Variants in STAC2 observed in about 807,000 individuals in gnomAD.
STAC2 encodes SH3 and cysteine rich domain 2.
In STAC2, 36 loss-of-function variants were observed where a neutral mutation model predicts 49.0. The ratio of observed to expected loss-of-function variants is 0.74; its 90% CI spans 0.56 to 0.97. The LOEUF is 0.97. Ranked by LOEUF, STAC2 falls within the 50% of genes least tolerant of loss-of-function variation. The pLI, the probability that STAC2 is intolerant of heterozygous loss-of-function variation, is 0.00. For missense variants in STAC2, 527 were observed against 543.8 expected (o/e 0.97, Z 0.31); for synonymous variants, 239 against 214.7 (o/e 1.11, Z -0.99).
At position 39,218,031 on chromosome 17, in the gene STAC2, G is replaced by A. The variant is rs1231104405; in HGVS notation, c.233C>T (p.Ser78Phe). 4 of 1,590,924 alleles carry A rather than the reference G, an allele frequency of 2.5e-6. No individual in the cohort carries two copies. The highest frequency in any genetic ancestry group is 3.4e-6 in the Non-Finnish European group (4 of 1,168,278). ...LTPPTPLPPPSPPPTASDRGL... is the reference protein window; with the variant it reads ...LTPPTPLPPPFPPPTASDRGL... ...CCTGTCCGAGGCTGTGGGTGGTGGGGAGGGAGGGGGCAGTGGGGTTGGGGG... is the reference window on the plus strand; with the variant it reads ...CCTGTCCGAGGCTGTGGGTGGTGGGAAGGGAGGGGGCAGTGGGGTTGGGGG... The change falls in exon 2 of 11, where the codon TCC (serine) becomes TTC (phenylalanine). Residue 78 changes from serine (S) to phenylalanine (F), a missense_variant. Coordinates refer to ENST00000333461, the MANE Select transcript of STAC2 (RefSeq NM_198993.5).
intron 1 of STAC2, among the ~76,000 whole-genome samples, chr17:39,219,666 A>AG (rs912913958): frequency 4.6e-5 from 7 of 152,172 alleles, no homozygotes; most frequent in Admixed American, 6.5e-5. Context: ...TACATTCTGG[A>AG]GGGCAGGGTC....
chr17:39,213,217 C>T (rs996572599), intron 9 of STAC2, 85 bp from the exon 10 acceptor site: 3 of 1,569,502 alleles, frequency 1.9e-6, no homozygotes, highest in Admixed American at 1.7e-5. Flanking sequence ...GGTTCCCACT[C>T]AGCACCAATG....
In STAC2 at chr17:39,214,773, A is replaced by G. The variant is rs375374099; in HGVS notation, c.843+18T>C. ...CTTCCCACCCTGACCTTCCGGGCCA[A>G]TGCCAGTACAGGCTCACCTGCTGTC... On this transcript the variant is annotated intron_variant, in intron 7 of 10. Transcript: ENST00000333461. The G allele has an allele frequency of 1.9e-6, 3 of 1,612,920 alleles. No individual in the cohort carries two copies. The highest frequency in any genetic ancestry group is 2.5e-6 in the Non-Finnish European group (3 of 1,179,502).
intron 9 of STAC2, 62 bp downstream of exon 9, chr17:39,213,445 T>G: frequency 6.3e-7 from 1 of 1,595,574 alleles, no homozygotes; most frequent in Non-Finnish European, 8.6e-7. Flanking sequence ...CAGTGCCCAT[T>G]GGGGGTGGGG....
At chr17:39,224,187 G>A (rs910257019) in intron 1 of STAC2, among the ~76,000 whole-genome samples, 1 of 152,188 alleles carries the variant, frequency 6.6e-6, no homozygotes, top group Non-Finnish European at 1.5e-5. Context: ...ATGGAAGAAG[G>A]AGGAAGGGGG....
intron 4 of STAC2, among the ~76,000 whole-genome samples, 191 bp downstream of exon 4, chr17:39,216,619 T>A (rs2144238821): frequency 6.6e-6 from 1 of 152,336 alleles, no homozygotes; most frequent in South Asian, 2.1e-4. Flanking sequence ...TTCTTTTTTT[T>A]TGAGATGGAG....
chr17:39,213,672 CTTTTTTTTTT>C lies in STAC2; in HGVS notation c.942-124_942-115del, dbSNP rs767714627. 8 of 373,566 alleles carry C rather than the reference CTTTTTTTTTT, an allele frequency of 2.1e-5. No individual in the cohort carries two copies. The East Asian group carries it at 2.7e-4, about 13-fold the overall frequency. 23.1% of individuals were successfully genotyped at this position (373,566 alleles called of 1,614,324 possible). ...CAGTCCTCAGCTGGGAGAGACGATTCTTTTTTTTTTTTTTTTTTTTTTAAGATAGACTCTC... is the reference window on the plus strand; with the variant it reads ...CAGTCCTCAGCTGGGAGAGACGATTCTTTTTTTTTTTTAAGATAGACTCTC... On this transcript the variant is annotated intron_variant, in intron 8 of 10. Coordinates refer to ENST00000333461, the MANE Select transcript of STAC2 (RefSeq NM_198993.5).
At position 39,217,086 on chromosome 17, in the gene STAC2, G is replaced by A; in HGVS notation, c.485C>T (p.Pro162Leu). 1 of 1,614,006 alleles carries A rather than the reference G, an allele frequency of 6.2e-7. No homozygotes were observed. The highest frequency in any genetic ancestry group is 8.5e-7 in the Non-Finnish European group (1 of 1,179,960). Residue 162 changes from proline to leucine, a missense_variant, in exon 3 of 11, where the codon CCA becomes CTA. Transcript: ENST00000333461. The stretch of plus-strand genomic sequence containing the variant: ...TGGGTCCCCGCTCACCGTCTTGCCT[G>A]GGCATTGCTGGTGGGAGATCTCCTC... ...CSEEISHQQC[P>L]GKTSTSFRRN...
At chr17:39,213,617 T>C (rs1448736131) in intron 8 of STAC2, 59 bp from the exon 9 acceptor site, 13 of 1,569,466 alleles carry the variant, frequency 8.3e-6, no homozygotes, top group East Asian at 4.5e-5. Flanking sequence ...CTCCCCATCC[T>C]AGCAGACCCT....
intron 1 of STAC2, among the ~76,000 whole-genome samples, chr17:39,220,445 T>C (rs936652373): frequency 1.3e-5 from 2 of 151,550 alleles, no homozygotes; most frequent in Non-Finnish European, 2.9e-5. Context: ...TCTCTGAGCC[T>C]CAGTTTCCCC....
In STAC2 at chr17:39,214,300, C is replaced by A; in HGVS notation, c.874G>T (p.Gly292Trp). ...LPKATLRKDV[G>W]PMYSYVALYK... ...AGTGCAACGTAGGAGTACATGGGCC[C>A]CACATCCTTCCGCAGGGTGGCTTTG... The change falls in exon 8 of 11, where the codon GGG becomes TGG. Residue 292 changes from glycine to tryptophan, a missense_variant. Physicochemically the swap from Gly to Trp is radical, Grantham distance 184. Coordinates refer to ENST00000333461, the MANE Select transcript of STAC2 (RefSeq NM_198993.5). 1 of 1,614,040 alleles carries A rather than the reference C, an allele frequency of 6.2e-7. No individual in the cohort carries two copies. Among genetic ancestry groups the A allele is most frequent in the Non-Finnish European group, 8.5e-7 (1 of 1,179,964 alleles).
chr17:39,222,560 G>A (rs1041467773), intron 1 of STAC2, among the ~76,000 whole-genome samples: 2 of 152,272 alleles, frequency 1.3e-5, no homozygotes, highest in South Asian at 2.1e-4. Context: ...CAGGTATTCC[G>A]GCTCCTGGGG....
chr17:39,225,326 T>G lies in STAC2; in HGVS notation c.90+87A>C. Reference sequence around the variant, plus strand: ...CACGCGGGCCTCGCGACCGCGACCCTAGGACGCCCGGGCCCACAGGAGGAC... The same window carrying G: ...CACGCGGGCCTCGCGACCGCGACCCGAGGACGCCCGGGCCCACAGGAGGAC... On this transcript the variant is annotated intron_variant, in intron 1 of 10. Coordinates refer to ENST00000333461, the MANE Select transcript of STAC2 (RefSeq NM_198993.5). This position sits in a 1 kb window ranked among gnomAD's most constrained non-coding sequence, Gnocchi z 8.2. The G allele has an allele frequency of 5.0e-6, 6 of 1,189,584 alleles. No homozygotes were observed. Among genetic ancestry groups the G allele is most frequent in the Non-Finnish European group, 5.7e-6 (5 of 875,594 alleles). 73.7% of individuals were successfully genotyped at this position (1,189,584 alleles called of 1,614,324 possible). A position where few individuals can be genotyped will look rare whatever the true frequency, so the allele number is the denominator to read the frequency against.
At chr17:39,222,846 T>A (rs2046475377) in intron 1 of STAC2, among the ~76,000 whole-genome samples, 1 of 152,128 alleles carries the variant, frequency 6.6e-6, no homozygotes, top group African/African-American at 2.4e-5. Context: ...GCCCCTTATT[T>A]CCTCAATTCC....
chr17:39,217,531 A>C (rs527947383), intron 2 of STAC2, among the ~76,000 whole-genome samples: 1 of 152,182 alleles, frequency 6.6e-6, no homozygotes, highest in Non-Finnish European at 1.5e-5. Context: ...GACCAGCCTG[A>C]GCAACATGGC....
chr17:39,219,440 C>T (rs1375653281), intron 1 of STAC2, among the ~76,000 whole-genome samples: 1 of 152,172 alleles, frequency 6.6e-6, no homozygotes, highest in African/African-American at 2.4e-5. Context: ...CCACTCCCTC[C>T]TCTGGTGTCC....
chr17:39,225,911 C>A lies in STAC2; in HGVS notation c.-409G>T, dbSNP rs897946678. On this transcript the variant is annotated 5_prime_UTR_variant, in exon 1 of 11. Transcript: ENST00000333461. The surrounding 1 kb of genome is among the most constrained non-coding windows in gnomAD (Gnocchi z 8.2). Reference sequence around the variant, plus strand: ...CCGCCGGCCCCAGCCCGGCACCCGGCGGCCCCTCCGCCCAGTCCTCGCCGC... The same window carrying A: ...CCGCCGGCCCCAGCCCGGCACCCGGAGGCCCCTCCGCCCAGTCCTCGCCGC... 2 of 228,816 alleles carry A rather than the reference C, an allele frequency of 8.7e-6. No homozygotes were observed. Among genetic ancestry groups the A allele is most frequent in the African/African-American group, 2.4e-5 (1 of 42,018 alleles). 14.2% of individuals were successfully genotyped at this position (228,816 alleles called of 1,614,324 possible).
intron 7 of STAC2, 157 bp from the exon 8 acceptor site, chr17:39,214,487 C>T (rs1424977306): frequency 7.1e-6 from 7 of 979,870 alleles, no homozygotes; most frequent in East Asian, 1.1e-4. Flanking sequence ...ATGCTATGCT[C>T]ACCCACCCCA....
Position 39,217,138 on chromosome 17 carries a change from T to C in STAC2, c.433A>G (p.Lys145Glu). ...GAGCACCAGAGGTGGACGCTGACTT[T>C]GCACATCTTACATCGCAAGCCCTGT... Reference protein sequence around the residue: ...SKQGLRCKMCKVSVHLWCSEE... With the variant: ...SKQGLRCKMCEVSVHLWCSEE... Residue 145 changes from lysine to glutamate, a missense_variant, in exon 3 of 11, where the codon AAA becomes GAA. Transcript: ENST00000333461. 1 of 1,614,034 alleles carries C rather than the reference T, an allele frequency of 6.2e-7. No homozygotes were observed. Among genetic ancestry groups the C allele is most frequent in the South Asian group, 1.1e-5 (1 of 91,082 alleles).
Sources: allele counts gnomAD v4.1 joint callset (sites outside exome capture counted in the v4.1 genomes callset), GRCh38; gene constraint gnomAD v4.1.1; non-coding constraint Gnocchi (gnomAD v3.1); transcripts MANE v1.5; gene names NCBI Gene and HGNC (gene_info 2026-07-23, HGNC 2026-07-21).